Variants in OPLAH observed in about 807,000 individuals in gnomAD.
OPLAH encodes 5-oxoprolinase.
OPLAH carries 103 observed loss-of-function variants against 122.8 expected under a neutral mutation model. That is an observed-to-expected ratio of 0.84 (90% CI 0.71 to 0.99). The LOEUF (loss-of-function observed/expected upper bound fraction) is 0.99, where lower values mean the gene tolerates loss of function less well. Ranked by LOEUF, OPLAH falls within the 50% of genes least tolerant of loss-of-function variation. The pLI is 0.00. For synonymous variants in OPLAH, 875 were observed against 796.0 expected, an observed-to-expected ratio of 1.10 and a Z score of -1.67; for missense variants, 1,902 against 1,836.5, an observed-to-expected ratio of 1.04 and a Z score of -0.65.
At position 144,056,446 on chromosome 8, in the gene OPLAH, C is replaced by A. The variant is rs782276156; in HGVS notation, c.1922G>T (p.Arg641Leu). 26 of 1,610,230 alleles carry A rather than the reference C, an allele frequency of 1.6e-5. No homozygotes were observed. Among genetic ancestry groups the A allele is most frequent in the Non-Finnish European group, 1.1e-5 (13 of 1,178,948 alleles). Reference sequence around the variant, plus strand: ...GGCATCCTCGAGGCGAAGACCACTGCGGCCGGTGCCCCGCACTCGCACATC... The same window carrying A: ...GGCATCCTCGAGGCGAAGACCACTGAGGCCGGTGCCCCGCACTCGCACATC... The part of the protein sequence containing the change: ...VDDVRVRGTG[R>L]SGLRLEDAPK... The change falls in exon 14 of 27, where the codon CGC (arginine) becomes CTC (leucine). Residue 641 changes from arginine to leucine, a missense_variant. By Grantham distance (102) the Arg-to-Leu change is moderately radical. Coordinates refer to ENST00000618853, the MANE Select transcript of OPLAH (RefSeq NM_017570.5).
At chr8:144,050,928 C>A, downstream of OPLAH, 1 of 1,019,830 alleles carries the variant, frequency 9.8e-7, no homozygotes, top group Non-Finnish European at 1.2e-6. Context: ...TTGATGACAC[C>A]GCCCCCCTAC....
In OPLAH at chr8:144,053,088, A is replaced by G; in HGVS notation, c.2913T>C (p.Phe971=). ...GGCCCCGGGCCTGCCGGGAGGTTCCAAAGGCACGCAACATGTCTCGCACGG... is the reference window on the plus strand; with the variant it reads ...GGCCCCGGGCCTGCCGGGAGGTTCCGAAGGCACGCAACATGTCTCGCACGG... ...ELAVRDMLRA[F]GTSRQARGLP... The change falls in exon 21 of 27, where the codon TTT becomes TTC. Residue 971 remains phenylalanine, a synonymous_variant. Coordinates refer to ENST00000618853, the MANE Select transcript of OPLAH (RefSeq NM_017570.5). 6.2e-7 allele frequency: 1 copy of G among 1,605,914 alleles called. No homozygotes were observed. The highest frequency in any genetic ancestry group is 1.1e-5 in the South Asian group (1 of 89,930).
At chr8:144,051,208 G>A (rs1452054181), downstream of OPLAH, 3 of 1,516,156 alleles carry the variant, frequency 2.0e-6, no homozygotes. Context: ...TCCTCCTAAG[G>A]CAAGCACAGA....
chr8:144,058,421 G>C lies in OPLAH; in HGVS notation c.784-17C>G. 5 of 1,587,280 alleles carry C rather than the reference G, an allele frequency of 3.2e-6. No individual in the cohort carries two copies. Among genetic ancestry groups the C allele is most frequent in the Non-Finnish European group, 4.3e-6 (5 of 1,171,096 alleles). ...CTGCACATCCTGCGAGCGGGCAGCA[G>C]GCGGGCCATGAGGGGCAGGCCAAGG... is the stretch of plus-strand genomic sequence containing the variant. On this transcript the variant is annotated splice_polypyrimidine_tract_variant and intron_variant, in intron 6 of 26. Transcript: ENST00000618853.
At chr8:144,052,350 C>G (rs1554757887) in intron 23 of OPLAH, 24 bp from the exon 24 acceptor site, 2 of 1,511,758 alleles carry the variant, frequency 1.3e-6, no homozygotes, top group Non-Finnish European at 1.8e-6. Context: ...CTGGTCGCTG[C>G]GCTGGGCTGG....
intron 6 of OPLAH, 35 bp from the exon 7 acceptor site, chr8:144,058,439 G>A (rs1554759998): frequency 6.3e-7 from 1 of 1,584,222 alleles, no homozygotes; most frequent in Non-Finnish European, 8.6e-7. Flanking sequence ...ATGAGGGGCA[G>A]GCCAAGGCCC....
At chr8:144,063,804 C>T (rs1387625724), upstream of OPLAH, 5 of 152,462 alleles carry the variant, frequency 3.3e-5, no homozygotes, top group African/African-American at 1.2e-4. The surrounding 1 kb of genome is among the most constrained non-coding windows in gnomAD (Gnocchi z 4.2). Flanking sequence ...GCTGCTGCCG[C>T]GGTTCCTGAG....
upstream of OPLAH, among the ~76,000 whole-genome samples, chr8:144,061,745 T>C (rs550412236): frequency 3.9e-5 from 6 of 152,246 alleles, no homozygotes; most frequent in South Asian, 1.2e-3. Context: ...GCAACCGGCC[T>C]GGCACGGTGG....
At position 144,052,313 on chromosome 8, in the gene OPLAH, T is replaced by C. The variant is rs1554757873; in HGVS notation, c.3317A>G (p.Asn1106Ser). 6.5e-7 allele frequency: 1 copy of C among 1,526,934 alleles called. No individual in the cohort carries two copies. The highest frequency in any genetic ancestry group is 1.4e-5 in the African/African-American group (1 of 72,502). The allele number at this position is 1,526,934 out of a possible 1,614,324, so 94.6% of individuals were successfully genotyped here. A position where few individuals can be genotyped will look rare whatever the true frequency, so the allele number is the denominator to read the frequency against. The change falls in exon 24 of 27, where the codon AAC becomes AGC. Residue 1106 changes from asparagine to serine, a missense_variant. Around this residue, in one of 3 missense-constraint regions of OPLAH, gnomAD observed 1,726 missense variants for 1,642.1 expected, o/e 1.05. Transcript: ENST00000618853. ...ACAASQGCMNNVTLGNAHMGY... is the reference protein window; with the variant it reads ...ACAASQGCMNSVTLGNAHMGY... ...CATGTGGGCGTTGCCCAGGGTCACG[T>C]TGTTCATGCAGCCCTGGTGAGGGCA...
In OPLAH at chr8:144,057,677, A is replaced by C; in HGVS notation, c.1193T>G (p.Leu398Arg). Residue 398 changes from leucine to arginine, a missense_variant, in exon 10 of 27, where the codon CTG becomes CGG. Transcript: ENST00000618853. ...GAAGGAGGCAGGCAGCAGGCGACCCAGGACCAGATTAGCATCCGTCACTGT... is the reference window on the plus strand; with the variant it reads ...GAAGGAGGCAGGCAGCAGGCGACCCCGGACCAGATTAGCATCCGTCACTGT... Reference protein sequence around the residue: ...PVTVTDANLVLGRLLPASFPC... With the variant: ...PVTVTDANLVRGRLLPASFPC... The C allele has an allele frequency of 1.9e-6, 3 of 1,608,980 alleles. No homozygotes were observed. Among genetic ancestry groups the C allele is most frequent in the East Asian group, 2.2e-5 (1 of 44,788 alleles).
intron 19 of OPLAH, among the ~76,000 whole-genome samples, chr8:144,053,869 A>G (rs1223332246): frequency 1.3e-5 from 1 of 76,906 alleles, no homozygotes; most frequent in African/African-American, 5.2e-5. Context: ...CCTTCCCTGC[A>G]GCTGCTCAGT....
chr8:144,054,661 G>A lies in OPLAH; in HGVS notation c.2586C>T (p.Ile862=), dbSNP rs1554758495. ...AGTGGGGGGGCATGGAGCCTGGTGT[G>A]ATGCCCCCGATGTCTGCGTGGTGCC... ...SRGHHADIGG[I]TPGSMPPHST... Residue 862 remains isoleucine (I), a synonymous_variant, in exon 19 of 27, where the codon ATC becomes ATT. Coordinates refer to ENST00000618853, the MANE Select transcript of OPLAH (RefSeq NM_017570.5). 6.2e-7 allele frequency: 1 copy of A among 1,612,384 alleles called. No individual in the cohort carries two copies. Among genetic ancestry groups the A allele is most frequent in the African/African-American group, 1.3e-5 (1 of 74,898 alleles).
At chr8:144,063,729 C>T (rs1353782548), upstream of OPLAH, 5 of 152,490 alleles carry the variant, frequency 3.3e-5, no homozygotes, top group South Asian at 6.2e-4. This position sits in a 1 kb window ranked among gnomAD's most constrained non-coding sequence, Gnocchi z 4.2. Context: ...TTTGATCGTT[C>T]TCCGCCTGGG....
At position 144,059,740 on chromosome 8, in the gene OPLAH, G is replaced by C; in HGVS notation, c.222C>G (p.Ile74Met). The change falls in exon 3 of 27, where the codon ATC becomes ATG. Residue 74 changes from isoleucine (I) to methionine (M), a missense_variant. Coordinates refer to ENST00000618853, the MANE Select transcript of OPLAH (RefSeq NM_017570.5). ...CTGTGGTGCCCATGCGGATGCTGGCGATATGACTGGAGTCCAGCGGCTGGT... is the reference window on the plus strand; with the variant it reads ...CTGTGGTGCCCATGCGGATGCTGGCCATATGACTGGAGTCCAGCGGCTGGT... ...PRDQPLDSSH[I>M]ASIRMGTTVA... 3 of 1,610,340 alleles carry C rather than the reference G, an allele frequency of 1.9e-6. No individual in the cohort carries two copies. The highest frequency in any genetic ancestry group is 2.5e-6 in the Non-Finnish European group (3 of 1,179,540).
upstream of OPLAH, among the ~76,000 whole-genome samples, chr8:144,060,938 A>G (rs1221527811): frequency 6.6e-6 from 1 of 152,130 alleles, no homozygotes; most frequent in Non-Finnish European, 1.5e-5. Flanking sequence ...CCAGGATCCC[A>G]CCTCCAGGTG....
At chr8:144,059,120 G>T (rs1554760295) in intron 3 of OPLAH, 41 bp from the exon 4 acceptor site, 1 of 1,474,814 alleles carries the variant, frequency 6.8e-7, no homozygotes, top group Non-Finnish European at 9.2e-7. Context: ...CAGGCCTGAG[G>T]GTCCAGGCCG....
chr8:144,055,315 G>A lies in OPLAH; in HGVS notation c.2249-126C>T. The A allele has an allele frequency of 3.9e-6, 4 of 1,026,574 alleles. No homozygotes were observed. Among genetic ancestry groups the A allele is most frequent in the Non-Finnish European group, 5.3e-6 (4 of 755,826 alleles). 63.6% of individuals were successfully genotyped at this position (1,026,574 alleles called of 1,614,324 possible). A position where few individuals can be genotyped will look rare whatever the true frequency, so the allele number is the denominator to read the frequency against. On this transcript the variant is annotated intron_variant, in intron 16 of 26. Coordinates refer to ENST00000618853, the MANE Select transcript of OPLAH (RefSeq NM_017570.5). This position sits in a 1 kb window ranked among gnomAD's most constrained non-coding sequence, Gnocchi z 6.5. The stretch of plus-strand genomic sequence containing the variant: ...AGGAAAAACCCAGCAGCTTTTTCCT[G>A]GGGAAGACCAAGTTGACGGTGTGCC...
chr8:144,058,165 G>A lies in OPLAH; in HGVS notation c.950-17C>T, dbSNP rs782726976. On this transcript the variant is annotated splice_polypyrimidine_tract_variant and intron_variant, in intron 7 of 26. Transcript: ENST00000618853. ...TGGACGTGCCTGGCAGGGGTGGGGT[G>A]CTGGTGGGTCACTTGAAGACCCAGG... The A allele has an allele frequency of 5.0e-6, 8 of 1,611,590 alleles. No homozygotes were observed. In the Admixed American group the frequency reaches 1.2e-4, roughly 24 times the overall value.
Position 144,060,048 on chromosome 8 carries a change from G to T in OPLAH, c.-16C>A. 1 of 1,608,286 alleles carries T rather than the reference G, an allele frequency of 6.2e-7. No individual in the cohort carries two copies. The highest frequency in any genetic ancestry group is 8.5e-7 in the Non-Finnish European group (1 of 1,177,770). On this transcript the variant is annotated 5_prime_UTR_variant, in exon 2 of 27. Transcript: ENST00000618853. ...GGCTGCCCATGGTGGTGGGGCTGGA[G>T]TCCCACAGGAGCTCTTCAGCTGGTA...
Sources: gnomAD v4.1 joint callset for allele counts (sites outside exome capture counted in the v4.1 genomes callset) on GRCh38, gnomAD v4.1.1 for gene constraint, gnomAD v4.1.1 regional missense constraint, Gnocchi (gnomAD v3.1) non-coding constraint, MANE v1.5 for transcripts, NCBI Gene and HGNC (gene_info 2026-07-23, HGNC 2026-07-21) for gene names.